Variants in PDE7B observed in about 807,000 individuals in gnomAD.
PDE7B encodes phosphodiesterase 7B, also known as 3',5'-cyclic-AMP phosphodiesterase 7B.
Under a neutral mutation model 56.2 loss-of-function variants are expected in PDE7B, and 29 were observed. The observed-to-expected ratio is 0.52, with a 90% confidence interval of 0.38 to 0.70. The LOEUF (loss-of-function observed/expected upper bound fraction) is 0.70, where lower values mean the gene tolerates loss of function less well. PDE7B is among the 30% of genes least tolerant of loss of function. The pLI, the probability that PDE7B is intolerant of heterozygous loss-of-function variation, is 0.00. For missense variants in PDE7B, 490 were observed against 565.0 expected, an observed-to-expected ratio of 0.87 and a Z score of 1.35; for synonymous variants, 197 against 196.9, an observed-to-expected ratio of 1.00 and a Z score of 0.00.
intron 2 of PDE7B, among the ~76,000 whole-genome samples, chr6:136,089,527 C>CCAT (rs1165847676): frequency 6.6e-6 from 1 of 152,058 alleles, no homozygotes; most frequent in East Asian, 1.9e-4. Context: ...TTCTTTGGGG[C>CCAT]CATCTTTTGA....
At chr6:136,158,382 C>T (rs918886074) in intron 8 of PDE7B, among the ~76,000 whole-genome samples, 2 of 152,066 alleles carry the variant, frequency 1.3e-5, no homozygotes, top group Admixed American at 6.5e-5. Flanking sequence ...ATTATGCATG[C>T]GCACATGCAC....
chr6:135,915,387 CT>C (rs1197430523), intron 1 of PDE7B, among the ~76,000 whole-genome samples: 1 of 152,188 alleles, frequency 6.6e-6, no homozygotes, highest in Non-Finnish European at 1.5e-5. Flanking sequence ...CCTTGTAAGA[CT>C]TTGCATTCTT....
At chr6:136,000,083 T>C (rs369139749) in intron 2 of PDE7B, among the ~76,000 whole-genome samples, 4 of 152,246 alleles carry the variant, frequency 2.6e-5, no homozygotes, top group South Asian at 4.1e-4. Flanking sequence ...TACTTTTTAA[T>C]GAAGTTGTTT....
At chr6:136,176,433 T>TA (rs1389992241) in intron 9 of PDE7B, among the ~76,000 whole-genome samples, 2 of 152,112 alleles carry the variant, frequency 1.3e-5, no homozygotes, top group African/African-American at 4.8e-5. Flanking sequence ...TTTGTAGCAT[T>TA]AAAAAGATGA....
intron 1 of PDE7B, among the ~76,000 whole-genome samples, chr6:135,900,098 G>A (rs1583751832): frequency 2.6e-5 from 4 of 151,952 alleles, no homozygotes; most frequent in Admixed American, 2.6e-4. Context: ...TCCCCCGTGT[G>A]TTCTGGTTTT....
chr6:136,085,203 C>A (rs1777272024), intron 2 of PDE7B, among the ~76,000 whole-genome samples: 1 of 152,170 alleles, frequency 6.6e-6, no homozygotes, highest in Non-Finnish European at 1.5e-5. Flanking sequence ...GTTACAGGAT[C>A]TTTTTGTCAT....
intron 2 of PDE7B, among the ~76,000 whole-genome samples, chr6:136,027,715 G>A (rs184042627): frequency 1.7e-4 from 26 of 152,118 alleles, no homozygotes; most frequent in Admixed American, 7.9e-4. Context: ...TCCACCTCCC[G>A]GCTTCAAGCA....
chr6:135,907,094 G>GGAAATCTCTGCT (rs1776129873), intron 1 of PDE7B, among the ~76,000 whole-genome samples: 1 of 151,940 alleles, frequency 6.6e-6, no homozygotes, highest in Non-Finnish European at 1.5e-5. Context: ...CCTACATCCA[G>GGAAATCTCTGCT]GAAATCTCTG....
intron 2 of PDE7B, among the ~76,000 whole-genome samples, chr6:136,058,275 C>T (rs1481512691): frequency 1.3e-5 from 2 of 152,150 alleles, no homozygotes; most frequent in Non-Finnish European, 2.9e-5. Flanking sequence ...TCAAGAAAAA[C>T]CATTAGATAT....
At chr6:135,868,156 C>A (rs1157975250) in intron 1 of PDE7B, among the ~76,000 whole-genome samples, 12 of 149,974 alleles carry the variant, frequency 8.0e-5, no homozygotes, top group Non-Finnish European at 1.8e-4. Context: ...AGAGGTCTCA[C>A]AACATAGCTT....
intron 2 of PDE7B, among the ~76,000 whole-genome samples, chr6:136,063,210 C>A (rs1261879962): frequency 6.6e-6 from 1 of 152,140 alleles, no homozygotes; most frequent in Non-Finnish European, 1.5e-5. Context: ...GCAAGGCTTG[C>A]AAAATTGTAG....
intron 2 of PDE7B, among the ~76,000 whole-genome samples, chr6:135,974,458 T>C (rs965583570): frequency 3.9e-5 from 6 of 152,122 alleles, no homozygotes; most frequent in Non-Finnish European, 7.4e-5. Flanking sequence ...CCAATTACAG[T>C]AGAAAATTTT....
At chr6:136,080,990 G>T (rs372374864) in intron 2 of PDE7B, among the ~76,000 whole-genome samples, 31 of 152,270 alleles carry the variant, frequency 2.0e-4, no homozygotes, top group African/African-American at 6.7e-4. Context: ...CACAGTGAAG[G>T]TAGATAGAAA....
intron 2 of PDE7B, among the ~76,000 whole-genome samples, chr6:135,979,336 C>T (rs1775251535): frequency 6.6e-6 from 1 of 151,790 alleles, no homozygotes; most frequent in African/African-American, 2.4e-5. Flanking sequence ...GTCTAAAATT[C>T]CCTTTTGTGG....
In PDE7B at chr6:135,940,831, C is replaced by T. The variant is rs557399863; in HGVS notation, c.22-6633C>T. Among the ~76,000 whole-genome samples, 13 of 152,254 alleles carry T rather than the reference C, an allele frequency of 8.5e-5. No individual in the cohort carries two copies. The South Asian group carries it at 2.7e-3, about 32-fold the overall frequency. On this transcript the variant is annotated intron_variant, in intron 1 of 12. Transcript: ENST00000308191. Reference sequence around the variant, plus strand: ...AAAAATAATCTCTTCTCATGCTACCCCAGAAAACTTCAGAATAGCCCACAG... The same window carrying T: ...AAAAATAATCTCTTCTCATGCTACCTCAGAAAACTTCAGAATAGCCCACAG...
At position 136,155,636 on chromosome 6, in the gene PDE7B, T is replaced by G. The variant is rs1309547189; in HGVS notation, c.589T>G (p.Phe197Val). The G allele has an allele frequency of 1.7e-5, 27 of 1,602,026 alleles. No homozygotes were observed. The highest frequency in any genetic ancestry group is 2.2e-5 in the Non-Finnish European group (26 of 1,173,246). Residue 197 changes from phenylalanine (F) to valine (V), a missense_variant, in exon 8 of 13, where the codon TTC (phenylalanine) becomes GTC (valine). Physicochemically the swap from Phe to Val is conservative, Grantham distance 50. Coordinates refer to ENST00000308191, the MANE Select transcript of PDE7B (RefSeq NM_018945.4). ...TTTGTTTTTTTAACAGCTTGCCAGC[T>G]TCCTCACGCCTCTGGACATCATGCT... ...CYLKEPKLAS[F>V]LTPLDIMLGL...
At chr6:135,880,541 G>A (rs1775589125) in intron 1 of PDE7B, among the ~76,000 whole-genome samples, 1 of 152,116 alleles carries the variant, frequency 6.6e-6, no homozygotes, top group African/African-American at 2.4e-5. Flanking sequence ...CCTCAGATTG[G>A]CAGTAGAAAA....
intron 2 of PDE7B, among the ~76,000 whole-genome samples, chr6:135,983,238 G>A (rs557628997): frequency 2.0e-5 from 3 of 152,148 alleles, no homozygotes; most frequent in South Asian, 4.1e-4. Context: ...CACACTGACT[G>A]ACTTGTTGTT....
chr6:136,078,633 C>T (rs977638612), intron 2 of PDE7B, among the ~76,000 whole-genome samples: 1 of 151,508 alleles, frequency 6.6e-6, no homozygotes, highest in Non-Finnish European at 1.5e-5. Flanking sequence ...AGGAAAAAAG[C>T]TCTTTGGATT....
Sources: allele counts gnomAD v4.1 joint callset (sites outside exome capture counted in the v4.1 genomes callset), GRCh38; gene constraint gnomAD v4.1.1; transcripts MANE v1.5; gene names NCBI Gene and HGNC (gene_info 2026-07-23, HGNC 2026-07-21).